JMJD1C: variants seen among roughly 807,000 people sequenced by gnomAD.
The protein encoded by JMJD1C is jumonji domain containing 1C.
A neutral mutation model predicts 245.3 loss-of-function variants in JMJD1C; 31 were observed. The observed-to-expected ratio is 0.13, with a 90% CI of 0.09 to 0.17. The LOEUF (loss-of-function observed/expected upper bound fraction) is 0.17. JMJD1C is among the 10% of genes least tolerant of loss of function. The pLI, the probability that JMJD1C is intolerant of heterozygous loss-of-function variation, is 1.00. For missense variants in JMJD1C, 2,691 were observed against 3,000.2 expected (o/e 0.90, Z 2.41); for synonymous variants, 1,057 against 1,017.4 (o/e 1.04, Z -0.74).
chr10:63,391,005 G>A (rs1010958007), intron 1 of JMJD1C, among the ~76,000 whole-genome samples: 9 of 152,106 alleles, frequency 5.9e-5, no homozygotes, highest in Non-Finnish European at 1.3e-4. Flanking sequence ...GAGCAATCAG[G>A]CAAAATAAGG....
At chr10:63,369,353 G>A (rs1946111997) in intron 2 of JMJD1C, among the ~76,000 whole-genome samples, 1 of 151,774 alleles carries the variant, frequency 6.6e-6, no homozygotes, top group African/African-American at 2.4e-5. Context: ...TGTTGGCCAG[G>A]CTGGTCTCGA....
chr10:63,222,784 G>A, intron 3 of JMJD1C: 1 of 1,469,890 alleles, frequency 6.8e-7, no homozygotes, highest in Non-Finnish European at 9.5e-7. Context: ...AAGTTTTGAA[G>A]TCAATTCCTA....
At chr10:63,490,728 C>T (rs906376169) in intron 1 of JMJD1C, among the ~76,000 whole-genome samples, 1 of 152,082 alleles carries the variant, frequency 6.6e-6, no homozygotes, top group African/African-American at 2.4e-5. Flanking sequence ...TATTTATTTG[C>T]TTGCTTATTA....
At chr10:63,242,235 A>C (rs1160141097) in intron 3 of JMJD1C, among the ~76,000 whole-genome samples, 1 of 152,216 alleles carries the variant, frequency 6.6e-6, no homozygotes, top group Non-Finnish European at 1.5e-5. Context: ...TTTAGAGGCT[A>C]AGTGGTTGAG....
chr10:63,426,678 G>T (rs1017923797), intron 1 of JMJD1C, among the ~76,000 whole-genome samples: 8 of 151,912 alleles, frequency 5.3e-5, no homozygotes, highest in African/African-American at 1.9e-4. Flanking sequence ...AAAGACAATG[G>T]AATCATCCCC....
At chr10:63,254,363 T>C (rs1489050691) in intron 3 of JMJD1C, among the ~76,000 whole-genome samples, 1 of 152,152 alleles carries the variant, frequency 6.6e-6, no homozygotes, top group East Asian at 1.9e-4. Context: ...CTAGGTGAAA[T>C]TGTACAGGCA....
intron 3 of JMJD1C, among the ~76,000 whole-genome samples, chr10:63,239,805 C>T (rs1851257770): frequency 1.3e-5 from 2 of 152,072 alleles, no homozygotes; most frequent in South Asian, 4.1e-4. Context: ...AGCTGGGATA[C>T]AGAATGATCA....
intron 8 of JMJD1C, 25 bp from the exon 9 acceptor site, chr10:63,209,260 A>C: frequency 6.4e-7 from 1 of 1,574,382 alleles, no homozygotes; most frequent in Non-Finnish European, 8.6e-7. Flanking sequence ...AAACAAAAAA[A>C]ACACCTAGAT....
intron 1 of JMJD1C, chr10:63,521,719 G>A: frequency 2.2e-6 from 1 of 457,928 alleles, no homozygotes; most frequent in Non-Finnish European, 3.5e-6. Flanking sequence ...GGGTCTGGGG[G>A]AGCCCTCGGC....
chr10:63,197,385 C>T (rs759559881), intron 13 of JMJD1C, 26 bp downstream of exon 13: 1 of 1,579,152 alleles, frequency 6.3e-7, no homozygotes, highest in South Asian at 1.2e-5. Flanking sequence ...TAAAAAACTT[C>T]AATTTATATA....
chr10:63,310,176 A>C (rs1938969122), intron 2 of JMJD1C, among the ~76,000 whole-genome samples: 3 of 152,206 alleles, frequency 2.0e-5, no homozygotes, highest in Admixed American at 2.0e-4. Flanking sequence ...AATGAGACAT[A>C]AATACTATAT....
intron 3 of JMJD1C, among the ~76,000 whole-genome samples, chr10:63,250,772 A>C (rs904318079): frequency 3.3e-5 from 5 of 151,914 alleles, no homozygotes; most frequent in Admixed American, 3.3e-4. Context: ...AGAGTATCTC[A>C]CTCCGTTACC....
At chr10:63,352,391 C>G (rs1944436380) in intron 2 of JMJD1C, among the ~76,000 whole-genome samples, 1 of 152,016 alleles carries the variant, frequency 6.6e-6, no homozygotes, top group South Asian at 2.1e-4. Context: ...TAATCTCACC[C>G]CTTTGGGAGG....
intron 1 of JMJD1C, among the ~76,000 whole-genome samples, chr10:63,382,439 T>C (rs1475001702): frequency 6.6e-6 from 1 of 151,888 alleles, no homozygotes; most frequent in Non-Finnish European, 1.5e-5. Flanking sequence ...ATTAACAGAA[T>C]AAAGGAAAAA....
At chr10:63,232,870 T>C (rs1850189011) in intron 3 of JMJD1C, among the ~76,000 whole-genome samples, 2 of 152,202 alleles carry the variant, frequency 1.3e-5, no homozygotes, top group African/African-American at 4.8e-5. Context: ...TTATTTGGTA[T>C]ATATAAATTC....
intron 2 of JMJD1C, among the ~76,000 whole-genome samples, chr10:63,334,665 G>A (rs1483416584): frequency 1.3e-5 from 2 of 152,044 alleles, no homozygotes; most frequent in South Asian, 2.1e-4. Context: ...AGGTTGCAGC[G>A]AGCTGAGATT....
At chr10:63,179,217 C>T (rs1307588581) in intron 22 of JMJD1C, among the ~76,000 whole-genome samples, 5 of 151,992 alleles carry the variant, frequency 3.3e-5, no homozygotes, top group South Asian at 2.1e-4. Flanking sequence ...CGAGACTAGC[C>T]TGACCAACAT....
chr10:63,230,607 C>G (rs1849841809), intron 3 of JMJD1C, among the ~76,000 whole-genome samples: 1 of 151,832 alleles, frequency 6.6e-6, no homozygotes, highest in African/African-American at 2.4e-5. Flanking sequence ...AACCCTGGCT[C>G]TATTAAAATT....
chr10:63,289,706 T>TA (rs1218179310), intron 2 of JMJD1C, among the ~76,000 whole-genome samples: 1 of 152,196 alleles, frequency 6.6e-6, no homozygotes, highest in East Asian at 1.9e-4. Flanking sequence ...CCATATTACT[T>TA]AAAGTTTCTG....
Sources: allele counts gnomAD v4.1 joint callset (sites outside exome capture counted in the v4.1 genomes callset), GRCh38; gene constraint gnomAD v4.1.1; transcripts MANE v1.5; gene names NCBI Gene and HGNC (gene_info 2026-07-23, HGNC 2026-07-21).